The following PPP2R3C variants were observed in gnomAD, a reference collection of about 807,000 sequenced individuals.
PPP2R3C encodes the protein serine/threonine-protein phosphatase 2A regulatory subunit B'' subunit gamma.
PPP2R3C carries 47 observed loss-of-function variants against 63.7 expected under a neutral mutation model. The observed-to-expected ratio is 0.74, with a 90% confidence interval of 0.58 to 0.94. PPP2R3C has a LOEUF of 0.94. Ranked by LOEUF, PPP2R3C falls within the 40% of genes least tolerant of loss-of-function variation. The pLI is 0.00. For synonymous variants in PPP2R3C, 180 were observed against 177.4 expected (o/e 1.01, Z -0.12); for missense variants, 421 against 518.4 (o/e 0.81, Z 1.82).
intron 9 of PPP2R3C, 97 bp from the exon 10 acceptor site, chr14:35,095,281 T>A: frequency 8.2e-7 from 1 of 1,223,338 alleles, no homozygotes; most frequent in Non-Finnish European, 1.2e-6. Flanking sequence ...AATATTTTGA[T>A]TTTCAAACTA....
At chr14:35,085,806 A>G in intron 12 of PPP2R3C, 28 bp from the exon 13 acceptor site, 3 of 1,553,378 alleles carry the variant, frequency 1.9e-6, no homozygotes, top group Non-Finnish European at 2.6e-6. Context: ...ATACAATGAA[A>G]TTTGATCCAC....
At chr14:35,108,353 A>C (rs923578674) in intron 4 of PPP2R3C, 117 bp from the exon 5 acceptor site, 7 of 1,229,084 alleles carry the variant, frequency 5.7e-6, no homozygotes, top group Non-Finnish European at 6.4e-6. Context: ...AACAATAGAG[A>C]CTCCTTATAA....
At position 35,091,062 on chromosome 14, in the gene PPP2R3C, A is replaced by G; in HGVS notation, c.1113+8T>C. The G allele has an allele frequency of 6.3e-7, 1 of 1,596,750 alleles. No homozygotes were observed. Among genetic ancestry groups the G allele is most frequent in the Non-Finnish European group, 8.6e-7 (1 of 1,169,260 alleles). On this transcript the variant is annotated splice_region_variant and intron_variant, in intron 11 of 12. Transcript: ENST00000261475. ...GAACAATGACTCACTTATGCAAATGAGACTTACCCTAAAGAAATAATTAAG... is the reference window on the plus strand; with the variant it reads ...GAACAATGACTCACTTATGCAAATGGGACTTACCCTAAAGAAATAATTAAG...
intron 1 of PPP2R3C, among the ~76,000 whole-genome samples, chr14:35,120,627 A>G (rs1372707983): frequency 6.6e-6 from 1 of 152,260 alleles, no homozygotes; most frequent in African/African-American, 2.4e-5. Context: ...GACAGACTGC[A>G]GGTGTAGGAG....
chr14:35,088,208 TG>T, intron 11 of PPP2R3C, 198 bp from the exon 12 acceptor site: 3 of 592,818 alleles, frequency 5.1e-6, no homozygotes, highest in Non-Finnish European at 6.1e-6. Flanking sequence ...ATTAGTGTAT[TG>T]ACCTTTTTAG....
intron 10 of PPP2R3C, among the ~76,000 whole-genome samples, chr14:35,092,623 C>T (rs555841999): frequency 6.6e-6 from 1 of 151,952 alleles, no homozygotes; most frequent in East Asian, 1.9e-4. Context: ...TGCACCACCA[C>T]GCCTGGCTAA....
rs2138745027 is a variant in PPP2R3C, at chr14:35,121,967, T to A, written c.-8A>T. The A allele has an allele frequency of 1.9e-6, 3 of 1,614,166 alleles. No homozygotes were observed. Among genetic ancestry groups the A allele is most frequent in the Non-Finnish European group, 8.5e-7 (1 of 1,180,008 alleles). ...AACTTCTTTCCAGTCCATGGCCGAC[T>A]TCCGCGCAGCAGCTTCTGCATTTGC... On this transcript the variant is annotated 5_prime_UTR_variant, in exon 1 of 13. The change creates a new upstream start codon in the 5' untranslated region. Coordinates refer to ENST00000261475, the MANE Select transcript of PPP2R3C (RefSeq NM_017917.4).
chr14:35,105,832 C>T (rs1334368699), intron 6 of PPP2R3C, among the ~76,000 whole-genome samples: 1 of 151,996 alleles, frequency 6.6e-6, no homozygotes, highest in Non-Finnish European at 1.5e-5. Context: ...TTACCAACAT[C>T]TCCTTGTCTA....
rs34162171 is a variant in PPP2R3C, at chr14:35,094,473, C to CTT, written c.975+573_975+574dup. On this transcript the variant is annotated intron_variant, in intron 10 of 12. Transcript: ENST00000261475. ...CATAAGCTACCAAGCCTGGCCTCAG[C>CTT]TTTTTTTTAAAAAAAAAAAAAAACT... Among the ~76,000 whole-genome samples, 497 of 145,798 alleles carry CTT rather than the reference C, an allele frequency of 3.4e-3. 5 individuals carry two copies. Among genetic ancestry groups the CTT allele is most frequent in the African/African-American group, 0.012 (469 of 39,714 alleles).
At chr14:35,092,384 C>G (rs1193062979) in intron 10 of PPP2R3C, among the ~76,000 whole-genome samples, 2 of 151,994 alleles carry the variant, frequency 1.3e-5, no homozygotes, top group South Asian at 2.1e-4. Context: ...ACTTTTGAAA[C>G]AGATGACTAA....
At chr14:35,088,850 CTAAA>C (rs1566682883) in intron 11 of PPP2R3C, among the ~76,000 whole-genome samples, 1 of 152,126 alleles carries the variant, frequency 6.6e-6, no homozygotes, top group East Asian at 1.9e-4. Flanking sequence ...ATAACCAAGC[CTAAA>C]TAAGCTTTGA....
At chr14:35,087,133 A>C (rs2045629215) in intron 12 of PPP2R3C, 1 of 152,206 alleles carries the variant, frequency 6.6e-6, no homozygotes, top group Admixed American at 6.5e-5. Context: ...AAGAAGCTAA[A>C]TTCTGCTAAA....
chr14:35,090,238 T>G (rs1363450444), intron 11 of PPP2R3C, among the ~76,000 whole-genome samples: 3 of 38,014 alleles, frequency 7.9e-5, no homozygotes, highest in East Asian at 1.3e-3. Context: ...GTAGTTGTAG[T>G]TTTTTTTTTT....
At chr14:35,094,744 A>G (rs1480362632) in intron 10 of PPP2R3C, among the ~76,000 whole-genome samples, 4 of 152,164 alleles carry the variant, frequency 2.6e-5, no homozygotes, top group Admixed American at 6.6e-5. Flanking sequence ...ACCTGAGGTC[A>G]GGAGTTCAAG....
At chr14:35,103,841 G>A (rs2046268188) in intron 6 of PPP2R3C, among the ~76,000 whole-genome samples, 1 of 152,208 alleles carries the variant, frequency 6.6e-6, no homozygotes, top group Non-Finnish European at 1.5e-5. Context: ...GATTATAAAT[G>A]TTGGTCTGGA....
chr14:35,108,155 A>G lies in PPP2R3C; in HGVS notation c.486T>C (p.Asn162=). The G allele has an allele frequency of 6.2e-7, 1 of 1,607,920 alleles. No homozygotes were observed. The highest frequency in any genetic ancestry group is 8.5e-7 in the Non-Finnish European group (1 of 1,178,346). ...ATGAATCACCTTTTCTCATGACATA[A>G]TTAAAGAACTGCATGATGGAAATTC... ...YGRISIMQFF[N]YVMRKVWLHQ... is the part of the protein sequence containing the mutation. The change falls in exon 5 of 13, where the codon AAT becomes AAC. Residue 162 remains asparagine (N), a synonymous_variant. Transcript: ENST00000261475.
chr14:35,119,447 C>A (rs2046798920), intron 1 of PPP2R3C, among the ~76,000 whole-genome samples: 1 of 152,108 alleles, frequency 6.6e-6, no homozygotes, highest in African/African-American at 2.4e-5. Context: ...AACAACCCTC[C>A]CTGCTTCAGC....
intron 11 of PPP2R3C, among the ~76,000 whole-genome samples, chr14:35,090,562 T>C (rs2045775038): frequency 6.6e-6 from 1 of 151,488 alleles, no homozygotes; most frequent in Non-Finnish European, 1.5e-5. Flanking sequence ...TACTAAATAT[T>C]TAATTTAAAC....
intron 6 of PPP2R3C, chr14:35,100,863 G>A (rs2046163336): frequency 6.6e-6 from 1 of 152,174 alleles, no homozygotes; most frequent in Non-Finnish European, 1.5e-5. Context: ...GAACTCTTGA[G>A]CTCAAGCTAT....
Sources: gnomAD v4.1 joint callset for allele counts (sites outside exome capture counted in the v4.1 genomes callset) on GRCh38, gnomAD v4.1.1 for gene constraint, MANE v1.5 for transcripts, NCBI Gene and HGNC (gene_info 2026-07-23, HGNC 2026-07-21) for gene names.